Variants in ERICH3 observed in about 807,000 individuals in gnomAD.
The protein encoded by ERICH3 is glutamate-rich protein 3.
In ERICH3, 126 loss-of-function variants were observed where a neutral mutation model predicts 131.1. The observed-to-expected ratio is 0.96, with a 90% CI of 0.83 to 1.11. ERICH3 has a LOEUF of 1.11. ERICH3 is among the 50% of genes most tolerant of loss of function. The probability of loss-of-function intolerance (pLI) is 0.00; values close to 1 mark genes in which losing one functional copy is unlikely to be tolerated. For synonymous variants in ERICH3, 695 were observed against 644.6 expected (o/e 1.08, Z -1.18); for missense variants, 2,050 against 1,810.7 (o/e 1.13, Z -2.40).
chr1:74,623,164 A>C (rs1436255962), intron 7 of ERICH3: 2 of 152,254 alleles, frequency 1.3e-5, no homozygotes, highest in Non-Finnish European at 2.9e-5. Flanking sequence ...TTCCATTTGA[A>C]GAACAGGAAC....
At chr1:74,612,920 G>A (rs1317115165) in intron 8 of ERICH3, 111 bp from the exon 9 acceptor site, 2 of 937,994 alleles carry the variant, frequency 2.1e-6, no homozygotes, top group South Asian at 2.8e-5. Flanking sequence ...GATCAGGGGT[G>A]TCCAATCTTT....
intron 11 of ERICH3, among the ~76,000 whole-genome samples, chr1:74,594,045 C>A (rs2100568540): frequency 6.6e-6 from 1 of 152,040 alleles, no homozygotes; most frequent in East Asian, 1.9e-4. Flanking sequence ...GTTTTTTTAT[C>A]TCTACTGGTC....
chr1:74,593,018 T>G (rs1424451860), intron 11 of ERICH3, among the ~76,000 whole-genome samples: 1 of 152,166 alleles, frequency 6.6e-6, no homozygotes, highest in Non-Finnish European at 1.5e-5. Context: ...CTTGGAAGCA[T>G]GTTGATAAAC....
At chr1:74,664,613 A>G (rs549720539) in intron 1 of ERICH3, among the ~76,000 whole-genome samples, 1 of 152,214 alleles carries the variant, frequency 6.6e-6, no homozygotes, top group African/African-American at 2.4e-5. Context: ...CATAACTACT[A>G]TGTGCAATTT....
At chr1:74,615,244 A>G (rs1648906152) in intron 8 of ERICH3, 1 of 152,146 alleles carries the variant, frequency 6.6e-6, no homozygotes, top group African/African-American at 2.4e-5. Context: ...TTCTTCATGG[A>G]GCAGTGGAAA....
rs1467865131 is a variant in ERICH3 at position 74,572,786 on chromosome 1, A to G, written c.2924T>C (p.Leu975Pro). 1 of 1,613,648 alleles carries G rather than the reference A, an allele frequency of 6.2e-7. No individual in the cohort carries two copies. Among genetic ancestry groups the G allele is most frequent in the Non-Finnish European group, 8.5e-7 (1 of 1,179,954 alleles). ...KREDGSEEAI[L>P]GGEEPAKERK... is the part of the protein sequence containing the mutation. ...CTCTTTGGCTGGTTCCTCTCCCCCA[A>G]GAATTGCCTCTTCAGAACCGTCCTC... The change falls in exon 14 of 15, where the codon CTT (leucine) becomes CCT (proline). Residue 975 changes from leucine to proline, a missense_variant. Transcript: ENST00000326665.
chr1:74,644,077 A>T, intron 3 of ERICH3, among the ~76,000 whole-genome samples: 1 of 120,950 alleles, frequency 8.3e-6, no homozygotes, highest in African/African-American at 2.7e-5. Flanking sequence ...GCAAATTGAA[A>T]TTAATTAGAC....
intron 1 of ERICH3, among the ~76,000 whole-genome samples, chr1:74,667,302 G>T (rs1570923626): frequency 6.6e-6 from 1 of 151,918 alleles, no homozygotes; most frequent in African/African-American, 2.4e-5. Context: ...TAGATTTTTT[G>T]TTTTCGCAAA....
intron 6 of ERICH3, chr1:74,634,553 A>G: frequency 1.6e-6 from 1 of 620,460 alleles, no homozygotes; most frequent in Non-Finnish European, 2.9e-6. Context: ...ATTGCTCCCC[A>G]GCCAGCAGAG....
chr1:74,658,301 A>T (rs1366859205), intron 1 of ERICH3, among the ~76,000 whole-genome samples: 2 of 152,152 alleles, frequency 1.3e-5, no homozygotes, highest in African/African-American at 4.8e-5. Context: ...AATTCTCAAG[A>T]TTTGTTCAAA....
intron 1 of ERICH3, among the ~76,000 whole-genome samples, chr1:74,672,185 T>C (rs570604597): frequency 1.3e-5 from 2 of 152,350 alleles, no homozygotes; most frequent in South Asian, 4.1e-4. Flanking sequence ...CAACCATGAC[T>C]GACATATTTA....
intron 1 of ERICH3, among the ~76,000 whole-genome samples, chr1:74,653,027 G>C (rs974779045): frequency 1.3e-5 from 2 of 152,044 alleles, no homozygotes; most frequent in African/African-American, 2.4e-5. Context: ...AGGAGCCAAA[G>C]CTGAGTCACC....
chr1:74,582,377 CCTTCTTTAGATATAAAAA>C (rs1167258469), intron 12 of ERICH3, among the ~76,000 whole-genome samples: 1 of 152,096 alleles, frequency 6.6e-6, no homozygotes, highest in East Asian at 1.9e-4. Context: ...CTGGATGGTA[CCTTCTTTAGATATAAAAA>C]CACACTTTTT....
chr1:74,649,399 T>C (rs1646513050), intron 1 of ERICH3, 84 bp from the exon 2 acceptor site: 6 of 996,074 alleles, frequency 6.0e-6, no homozygotes, highest in Non-Finnish European at 7.7e-6. Context: ...CCCCAAATAG[T>C]GCATAATCAT....
chr1:74,668,785 A>G (rs1014948791), intron 1 of ERICH3, among the ~76,000 whole-genome samples: 1 of 152,210 alleles, frequency 6.6e-6, no homozygotes, highest in African/African-American at 2.4e-5. Context: ...TTTAAGCACA[A>G]TCAATTTACT....
chr1:74,641,586 G>T, intron 4 of ERICH3, 127 bp from the exon 5 acceptor site: 1 of 1,150,072 alleles, frequency 8.7e-7, no homozygotes, highest in Non-Finnish European at 1.2e-6. Flanking sequence ...AGTTACTTTT[G>T]TTAAGGAGTT....
intron 8 of ERICH3, among the ~76,000 whole-genome samples, chr1:74,617,782 G>T (rs1365408966): frequency 1.3e-5 from 2 of 152,074 alleles, no homozygotes; most frequent in East Asian, 1.9e-4. Flanking sequence ...GCACAACTCT[G>T]TACAATTCTA....
chr1:74,575,754 C>A (rs1647040757), intron 13 of ERICH3, among the ~76,000 whole-genome samples: 2 of 152,224 alleles, frequency 1.3e-5, no homozygotes, highest in Non-Finnish European at 2.9e-5. Flanking sequence ...AATTGCCTAG[C>A]CACCATGTAG....
chr1:74,648,041 G>A (rs1646500462), intron 2 of ERICH3, among the ~76,000 whole-genome samples: 1 of 152,106 alleles, frequency 6.6e-6, no homozygotes. Flanking sequence ...CCTTAGCAGA[G>A]CTTCTGATTC....
Sources: allele counts gnomAD v4.1 joint callset (sites outside exome capture counted in the v4.1 genomes callset), GRCh38; gene constraint gnomAD v4.1.1; transcripts MANE v1.5; gene names NCBI Gene and HGNC (gene_info 2026-07-23, HGNC 2026-07-21).